Variants in TMEM178A observed in about 807,000 individuals in gnomAD.
The protein encoded by TMEM178A is transmembrane protein 178A, also known as transmembrane protein 178.
A neutral mutation model predicts 29.1 loss-of-function variants in TMEM178A; 12 were observed. The observed-to-expected ratio is 0.41, with a 90% confidence interval of 0.26 to 0.67. TMEM178A has a LOEUF of 0.67. Ranked by LOEUF, TMEM178A falls within the 30% of genes least tolerant of loss-of-function variation. The probability of loss-of-function intolerance (pLI) is 0.29; values close to 1 mark genes in which losing one functional copy is unlikely to be tolerated. For synonymous variants in TMEM178A, 210 were observed against 187.2 expected (o/e 1.12, Z -0.99); for missense variants, 366 against 419.1 (o/e 0.87, Z 1.11).
At chr2:39,693,838 G>A (rs1470520593) in intron 1 of TMEM178A, among the ~76,000 whole-genome samples, 1 of 152,072 alleles carries the variant, frequency 6.6e-6, no homozygotes, top group Non-Finnish European at 1.5e-5. Flanking sequence ...AATATAATAA[G>A]TACATTAAAG....
chr2:39,730,647 C>T, the TMEM178A span, among the ~76,000 whole-genome samples: 624 of 152,262 alleles, frequency 4.1e-3, 7 homozygotes, highest in African/African-American at 0.014. Context: ...CGTAACTGAT[C>T]TTTCCATGAG....
chr2:39,720,338 G>A (rs1235191796), downstream of TMEM178A, among the ~76,000 whole-genome samples: 1 of 152,196 alleles, frequency 6.6e-6, no homozygotes, highest in African/African-American at 2.4e-5. Flanking sequence ...CCGGGACTCA[G>A]GTGAATGGGG....
the TMEM178A span, among the ~76,000 whole-genome samples, chr2:39,726,297 A>C: frequency 6.6e-6 from 1 of 152,160 alleles, no homozygotes; most frequent in Middle Eastern, 3.2e-3. Context: ...AAACATTTGC[A>C]CAGAGAGCCT....
At chr2:39,684,193 G>A (rs1478373901) in intron 1 of TMEM178A, among the ~76,000 whole-genome samples, 1 of 152,002 alleles carries the variant, frequency 6.6e-6, no homozygotes, top group African/African-American at 2.4e-5. Context: ...TAAGATTTAG[G>A]GTTGCTAAAT....
chr2:39,716,160 A>T (rs1036989563), intron 3 of TMEM178A, among the ~76,000 whole-genome samples: 4 of 152,220 alleles, frequency 2.6e-5, no homozygotes, highest in African/African-American at 9.6e-5. Context: ...ATTACTCACC[A>T]CACTCTGATC....
chr2:39,698,164 A>T (rs531251907), intron 1 of TMEM178A, among the ~76,000 whole-genome samples: 174 of 152,370 alleles, frequency 1.1e-3, no homozygotes, highest in African/African-American at 4.0e-3. Context: ...ATTAAGATGC[A>T]TGTCTAGAAA....
chr2:39,717,014 A>G lies in TMEM178A; in HGVS notation c.657A>G (p.Ile219Met). The G allele has an allele frequency of 6.2e-6, 10 of 1,609,720 alleles. No homozygotes were observed. Among genetic ancestry groups the G allele is most frequent in the Non-Finnish European group, 8.5e-6 (10 of 1,178,602 alleles). Reference protein sequence around the residue: ...VAGLLFLMTGIFCTISLCTYA... With the variant: ...VAGLLFLMTGMFCTISLCTYA... Reference sequence around the variant, plus strand: ...TTCTCTTTGTATTATTTATAGGGATATTTTGCACCATTTCCCTCTGTACTT... The same window carrying G: ...TTCTCTTTGTATTATTTATAGGGATGTTTTGCACCATTTCCCTCTGTACTT... The change falls in exon 4 of 4, where the codon ATA (isoleucine) becomes ATG (methionine). Residue 219 changes from isoleucine (I) to methionine (M), a missense_variant. Around this residue, in one of 2 missense-constraint regions of TMEM178A, gnomAD observed 119 missense variants for 172.2 expected, o/e 0.69. Transcript: ENST00000281961.
chr2:39,700,831 A>G (rs973293482), intron 1 of TMEM178A, among the ~76,000 whole-genome samples: 1 of 149,952 alleles, frequency 6.7e-6, no homozygotes, highest in African/African-American at 2.4e-5. Flanking sequence ...TTCATTTACT[A>G]CATATTTTTT....
At chr2:39,734,595 CTT>C in the TMEM178A span, among the ~76,000 whole-genome samples, 1 of 152,210 alleles carries the variant, frequency 6.6e-6, no homozygotes, top group African/African-American at 2.4e-5. Flanking sequence ...AACATCTCCA[CTT>C]TGTTTAATGC....
intron 1 of TMEM178A, among the ~76,000 whole-genome samples, chr2:39,693,473 G>A (rs768120956): frequency 6.6e-6 from 1 of 152,230 alleles, no homozygotes; most frequent in Non-Finnish European, 1.5e-5. Flanking sequence ...ACATGAGACA[G>A]TGACTCCGGG....
chr2:39,669,652 TAAG>T (rs1166146594), intron 1 of TMEM178A, among the ~76,000 whole-genome samples: 2 of 152,192 alleles, frequency 1.3e-5, no homozygotes, highest in African/African-American at 4.8e-5. Context: ...ATACGCTCAT[TAAG>T]AACCAAGACT....
intron 1 of TMEM178A, among the ~76,000 whole-genome samples, chr2:39,698,540 T>C (rs1456633401): frequency 6.6e-6 from 1 of 152,206 alleles, no homozygotes; most frequent in Non-Finnish European, 1.5e-5. Flanking sequence ...TCTTTTCAGA[T>C]GTTGCTGAAT....
At chr2:39,731,369 C>T in the TMEM178A span, among the ~76,000 whole-genome samples, 1,261 of 152,282 alleles carry the variant, frequency 8.3e-3, 7 homozygotes, top group Non-Finnish European at 0.012. Context: ...ATTCTGCGGG[C>T]TGAGAAGTTC....
At chr2:39,674,182 C>A (rs945360580) in intron 1 of TMEM178A, among the ~76,000 whole-genome samples, 1 of 152,076 alleles carries the variant, frequency 6.6e-6, no homozygotes, top group Non-Finnish European at 1.5e-5. Flanking sequence ...CTGCCAACAT[C>A]AACGGTTCAA....
intron 3 of TMEM178A, among the ~76,000 whole-genome samples, chr2:39,708,688 A>T (rs1421934616): frequency 6.6e-6 from 1 of 151,984 alleles, no homozygotes; most frequent in Non-Finnish European, 1.5e-5. Flanking sequence ...AAGTGCTGGG[A>T]TTACAGGCGT....
At chr2:39,705,233 C>T (rs765590429) in intron 2 of TMEM178A, among the ~76,000 whole-genome samples, 6 of 152,308 alleles carry the variant, frequency 3.9e-5, no homozygotes, top group Middle Eastern at 3.4e-3. Context: ...TTTTGGAGTT[C>T]TCATGGAAAG....
intron 1 of TMEM178A, among the ~76,000 whole-genome samples, chr2:39,681,763 C>G (rs1168827488): frequency 6.6e-6 from 1 of 152,132 alleles, no homozygotes; most frequent in African/African-American, 2.4e-5. Context: ...GAAAAAGCAC[C>G]TTAAATTTAC....
At chr2:39,675,783 C>T (rs1040726991) in intron 1 of TMEM178A, among the ~76,000 whole-genome samples, 4 of 151,558 alleles carry the variant, frequency 2.6e-5, no homozygotes, top group Non-Finnish European at 4.4e-5. Context: ...TTCTTAAAAA[C>T]GATTTTCTTT....
chr2:39,706,838 C>T (rs773353782), intron 2 of TMEM178A, among the ~76,000 whole-genome samples: 5 of 152,196 alleles, frequency 3.3e-5, no homozygotes, highest in Non-Finnish European at 7.3e-5. Context: ...GACTCAGAGA[C>T]GGTATAGTCT....
Sources: gnomAD v4.1 joint callset for allele counts (sites outside exome capture counted in the v4.1 genomes callset) on GRCh38, gnomAD v4.1.1 for gene constraint, gnomAD v4.1.1 regional missense constraint, MANE v1.5 for transcripts, NCBI Gene and HGNC (gene_info 2026-07-23, HGNC 2026-07-21) for gene names.